The following CARM1 variants were observed in gnomAD, a reference collection of about 807,000 sequenced individuals.
CARM1 encodes the protein histone-arginine methyltransferase CARM1.
A neutral mutation model predicts 72.7 loss-of-function variants in CARM1; 14 were observed. The ratio of observed to expected loss-of-function variants is 0.19; its 90% CI spans 0.13 to 0.30. The LOEUF is 0.30. Among genes scored for constraint, CARM1 ranks in the 10% least tolerant of loss-of-function variants. The pLI is 1.00. For synonymous variants in CARM1, 333 were observed against 345.5 expected, an observed-to-expected ratio of 0.96 and a Z score of 0.40; for missense variants, 432 against 833.7, an observed-to-expected ratio of 0.52 and a Z score of 5.93.
chr19:10,910,588 A>G lies in CARM1; in HGVS notation c.558+1381A>G, dbSNP rs188514114. Among the ~76,000 whole-genome samples the G allele has an allele frequency of 3.9e-3, 573 of 147,668 alleles. 4 individuals carry two copies. The highest frequency in any genetic ancestry group is 0.014 in the African/African-American group (561 of 39,990). ...TTATTTTTACTTTTTTTTTTATGAG[A>G]TGGAGTCTTGCTTTGTTACCAGGCT... On this transcript the variant is annotated intron_variant, in intron 4 of 15. Coordinates refer to ENST00000327064, the MANE Select transcript of CARM1 (RefSeq NM_199141.2).
intron 1 of CARM1, among the ~76,000 whole-genome samples, chr19:10,893,023 A>G (rs1599693409): frequency 7.9e-6 from 1 of 126,834 alleles, no homozygotes; most frequent in African/African-American, 3.0e-5. Flanking sequence ...GCGTGAGCCA[A>G]CACTCCCGGC....
At chr19:10,905,956 T>TC (rs1469007604) in intron 2 of CARM1, among the ~76,000 whole-genome samples, 2 of 142,932 alleles carry the variant, frequency 1.4e-5, no homozygotes, top group Non-Finnish European at 3.0e-5. Flanking sequence ...TTTTTTTTTT[T>TC]TTTTTTTTTT....
intron 1 of CARM1, among the ~76,000 whole-genome samples, chr19:10,888,542 C>T (rs1201086808): frequency 6.6e-6 from 1 of 152,182 alleles, no homozygotes; most frequent in African/African-American, 2.4e-5. Context: ...AAGTCTTGGC[C>T]CGCGGGAGAA....
chr19:10,888,650 C>T (rs1335298570), intron 1 of CARM1, among the ~76,000 whole-genome samples: 3 of 152,198 alleles, frequency 2.0e-5, no homozygotes, highest in African/African-American at 7.2e-5. Flanking sequence ...ACCCCCTACC[C>T]TCCACAACCC....
chr19:10,919,364 G>C (rs781196119), intron 8 of CARM1: 1 of 527,182 alleles, frequency 1.9e-6, no homozygotes, highest in Non-Finnish European at 3.3e-6. Context: ...TTAAACTCCT[G>C]TAGTGCCAAA....
At chr19:10,885,888 A>ATTTCTTT (rs1555724861) in intron 1 of CARM1, among the ~76,000 whole-genome samples, 1 of 78,780 alleles carries the variant, frequency 1.3e-5, no homozygotes, top group African/African-American at 4.2e-5. Context: ...TCACTCCCTC[A>ATTTCTTT]TTTTTTTTTT....
At chr19:10,908,181 C>G (rs766544932) in intron 3 of CARM1, 36 bp downstream of exon 3, 12 of 1,386,706 alleles carry the variant, frequency 8.7e-6, no homozygotes, top group South Asian at 5.8e-5. Flanking sequence ...GCCGCCTCCC[C>G]CCGGCAGCCC....
Position 10,873,788 on chromosome 19 carries a change from T to C in CARM1, c.220+1866T>C, listed in dbSNP as rs1424628455. Among the ~76,000 whole-genome samples, 9 of 151,596 alleles carry C rather than the reference T, an allele frequency of 5.9e-5. No homozygotes were observed. The East Asian group carries it at 9.8e-4, about 16-fold the overall frequency. On this transcript the variant is annotated intron_variant, in intron 1 of 15. Coordinates refer to ENST00000327064, the MANE Select transcript of CARM1 (RefSeq NM_199141.2). ...CCGAGTAGCTGGGACTACAGGCGCCTGCCGCCATGCCCGGCTAATTTTTTG... is the reference window on the plus strand; with the variant it reads ...CCGAGTAGCTGGGACTACAGGCGCCCGCCGCCATGCCCGGCTAATTTTTTG...
At chr19:10,909,867 C>T (rs770218284) in intron 4 of CARM1, among the ~76,000 whole-genome samples, 8 of 152,194 alleles carry the variant, frequency 5.3e-5, no homozygotes, top group Non-Finnish European at 1.2e-4. Flanking sequence ...TAGCCGCTAC[C>T]CCTCAGTATG....
chr19:10,897,682 C>A (rs2074034030), intron 1 of CARM1, among the ~76,000 whole-genome samples: 1 of 152,128 alleles, frequency 6.6e-6, no homozygotes, highest in African/African-American at 2.4e-5. Flanking sequence ...CCTTTTACTG[C>A]AGGGTAAAGA....
intron 2 of CARM1, 84 bp downstream of exon 2, chr19:10,905,160 G>A (rs887485812): frequency 2.0e-6 from 3 of 1,532,174 alleles, no homozygotes; most frequent in African/African-American, 2.7e-5. Context: ...CCTGGCTGAG[G>A]GGTGGCCCGT....
At chr19:10,914,895 G>A (rs1437897191) in intron 6 of CARM1, among the ~76,000 whole-genome samples, 1 of 152,222 alleles carries the variant, frequency 6.6e-6, no homozygotes, top group Non-Finnish European at 1.5e-5. Flanking sequence ...CTTGGGGTCT[G>A]TGCAGCCCTG....
At chr19:10,878,807 CTT>C (rs959582502) in intron 1 of CARM1, among the ~76,000 whole-genome samples, 20 of 140,146 alleles carry the variant, frequency 1.4e-4, no homozygotes, top group Non-Finnish European at 1.1e-4. Context: ...CTCCCCCCGG[CTT>C]TTTTTTTTTT....
intron 6 of CARM1, among the ~76,000 whole-genome samples, chr19:10,914,280 AG>A (rs2074178049): frequency 6.6e-6 from 1 of 152,186 alleles, no homozygotes; most frequent in Admixed American, 6.5e-5. Flanking sequence ...TCGCCCAGAC[AG>A]GGTACACAGG....
chr19:10,898,677 C>G (rs1383732790), intron 1 of CARM1, among the ~76,000 whole-genome samples: 1 of 152,230 alleles, frequency 6.6e-6, no homozygotes, highest in African/African-American at 2.4e-5. Context: ...AGCACTGAAT[C>G]GCCACTGCTG....
intron 2 of CARM1, among the ~76,000 whole-genome samples, chr19:10,907,095 C>T (rs1039013109): frequency 6.7e-6 from 1 of 149,942 alleles, no homozygotes; most frequent in African/African-American, 2.5e-5. Flanking sequence ...TTAATAGAGA[C>T]AGGGTTTCAC....
intron 1 of CARM1, among the ~76,000 whole-genome samples, chr19:10,874,925 G>T (rs915120348): frequency 1.4e-4 from 21 of 152,078 alleles, no homozygotes; most frequent in Non-Finnish European, 2.9e-4. Flanking sequence ...TCCGGAGGAT[G>T]AGGTGGGAGG....
chr19:10,909,250 G>C (rs746441442), intron 4 of CARM1, 43 bp downstream of exon 4: 1 of 1,306,860 alleles, frequency 7.7e-7, no homozygotes, highest in East Asian at 2.3e-5. Context: ...CTTCTGTCTC[G>C]GTTTTTTTTT....
chr19:10,875,747 A>C (rs1208059016), intron 1 of CARM1, among the ~76,000 whole-genome samples: 3 of 150,246 alleles, frequency 2.0e-5, no homozygotes, highest in African/African-American at 7.4e-5. Context: ...TCTTATAAGG[A>C]CACTGGGCAT....
Sources: gnomAD v4.1 joint callset for allele counts (sites outside exome capture counted in the v4.1 genomes callset) on GRCh38, gnomAD v4.1.1 for gene constraint, MANE v1.5 for transcripts, NCBI Gene and HGNC (gene_info 2026-07-23, HGNC 2026-07-21) for gene names.